ERFL: variants seen among roughly 807,000 people sequenced by gnomAD.
ERFL encodes ETS domain-containing transcription factor ERF-like.
In ERFL, 8 loss-of-function variants were observed where a neutral mutation model predicts 27.9. The observed-to-expected ratio is 0.29, with a 90% CI of 0.17 to 0.52. The LOEUF (loss-of-function observed/expected upper bound fraction) is 0.52, where lower values mean the gene tolerates loss of function less well. ERFL is among the 20% of genes least tolerant of loss of function. The pLI is 0.97. For missense variants in ERFL, 294 were observed against 444.4 expected, an observed-to-expected ratio of 0.66 and a Z score of 3.04; for synonymous variants, 174 against 202.8, an observed-to-expected ratio of 0.86 and a Z score of 1.21.
In ERFL at chr19:41,907,775, G is replaced by T. The variant is rs568710288; in HGVS notation, c.*453C>A. ...ACTGTTGGGATCATGGGGAGCTGGTGGGGAGGGGGGCCCCTCCTGGGTGGG... is the reference window on the plus strand; with the variant it reads ...ACTGTTGGGATCATGGGGAGCTGGTTGGGAGGGGGGCCCCTCCTGGGTGGG... On this transcript the variant is annotated 3_prime_UTR_variant, in exon 6 of 6. Transcript: ENST00000597630. 7 of 192,828 alleles carry T rather than the reference G, an allele frequency of 3.6e-5. 1 individual carries two copies. The South Asian group carries it at 1.2e-3, about 32-fold the overall frequency. 11.9% of individuals were successfully genotyped at this position (192,828 alleles called of 1,614,324 possible).
At chr19:41,927,891 CG>C in intron 1 of ERFL, 148 bp downstream of exon 1, 1 of 152,150 alleles carries the variant, frequency 6.6e-6, no homozygotes, top group Non-Finnish European at 1.5e-5. Context: ...CCCTTACAGC[CG>C]GGGCGGATGA....
intron 1 of ERFL, among the ~76,000 whole-genome samples, chr19:41,913,150 C>T (rs1599672809): frequency 2.0e-5 from 3 of 152,024 alleles, no homozygotes; most frequent in Admixed American, 2.0e-4. Flanking sequence ...CTCCCAGCCT[C>T]TCCTCCCGCA....
chr19:41,915,931 C>T (rs2074798286), intron 1 of ERFL, among the ~76,000 whole-genome samples: 1 of 152,112 alleles, frequency 6.6e-6, no homozygotes, highest in Non-Finnish European at 1.5e-5. Context: ...CACAATCCCC[C>T]ACCCCCCTCC....
chr19:41,925,256 G>A (rs2074864656), intron 1 of ERFL, among the ~76,000 whole-genome samples: 1 of 152,120 alleles, frequency 6.6e-6, no homozygotes, highest in African/African-American at 2.4e-5. Flanking sequence ...GGAATGGCAG[G>A]TGCAGGGGGT....
chr19:41,922,429 G>A (rs1217326580), intron 1 of ERFL, among the ~76,000 whole-genome samples: 1 of 152,150 alleles, frequency 6.6e-6, no homozygotes, highest in Non-Finnish European at 1.5e-5. Flanking sequence ...CAGATGGATG[G>A]GACTGAGATG....
chr19:41,920,393 C>A (rs1555852364), intron 1 of ERFL, among the ~76,000 whole-genome samples: 2 of 138,100 alleles, frequency 1.4e-5, no homozygotes. Context: ...CATGACATGC[C>A]CAGATGTGAC....
chr19:41,922,806 G>C (rs1350606784), intron 1 of ERFL, among the ~76,000 whole-genome samples: 1 of 152,224 alleles, frequency 6.6e-6, no homozygotes, highest in Admixed American at 6.5e-5. Context: ...TGGGATGAGA[G>C]CAATAAATTA....
chr19:41,926,581 G>T (rs1555853289), intron 1 of ERFL, among the ~76,000 whole-genome samples: 1 of 152,148 alleles, frequency 6.6e-6, no homozygotes, highest in East Asian at 1.9e-4. Flanking sequence ...TCCCTCCCGT[G>T]GCTCTGGCCC....
In ERFL at chr19:41,908,546, C is replaced by CG; in HGVS notation, c.746dup (p.His250AlafsTer83). ...TGGCCAGAGGGTTGGGGTAGAAATG[C>CG]GGGGGGTAGAGAGAGGGAGGCAGCT... On this transcript the variant is annotated frameshift_variant, in exon 6 of 6. Coordinates refer to ENST00000597630, the MANE Select transcript of ERFL (RefSeq NM_001365103.2). LOFTEE classifies it high-confidence loss of function. The surrounding 1 kb of genome is among the most constrained non-coding windows in gnomAD (Gnocchi z 6.7). 4.1e-6 allele frequency: 5 copies of CG among 1,231,462 alleles called. No individual in the cohort carries two copies. The highest frequency in any genetic ancestry group is 3.2e-5 in the East Asian group (1 of 31,682). 76.3% of individuals were successfully genotyped at this position (1,231,462 alleles called of 1,614,324 possible). A position where few individuals can be genotyped will look rare whatever the true frequency, so the allele number is the denominator to read the frequency against.
In ERFL at chr19:41,917,647, C is replaced by G. The variant is rs932621610; in HGVS notation, c.-13-4715G>C. ...TGCACACACCATGCCCCAAAGCACACGCACGCACGCACACACACACCCTGA... is the reference window on the plus strand; with the variant it reads ...TGCACACACCATGCCCCAAAGCACAGGCACGCACGCACACACACACCCTGA... On this transcript the variant is annotated intron_variant, in intron 1 of 5. Coordinates refer to ENST00000597630, the MANE Select transcript of ERFL (RefSeq NM_001365103.2). This position sits in a 1 kb window ranked among gnomAD's most constrained non-coding sequence, Gnocchi z 4.8. Among the ~76,000 whole-genome samples the G allele has an allele frequency of 5.6e-5, 8 of 142,814 alleles. No individual in the cohort carries two copies. Among genetic ancestry groups the G allele is most frequent in the Non-Finnish European group, 8.1e-5 (5 of 62,082 alleles). 93.7% of individuals were successfully genotyped at this position (142,814 alleles called of 152,430 possible).
In ERFL at chr19:41,908,070, C is replaced by CT. The variant is rs2074728069; in HGVS notation, c.*157_*158insA. On this transcript the variant is annotated 3_prime_UTR_variant, in exon 6 of 6. Coordinates refer to ENST00000597630, the MANE Select transcript of ERFL (RefSeq NM_001365103.2). The surrounding 1 kb of genome is among the most constrained non-coding windows in gnomAD (Gnocchi z 6.7). ...GTCCTCTGTGGAGGGGGAAGTGAGA[C>CT]CCCCCCCACTCTGGGGCTGGGGAAG... The CT allele has an allele frequency of 6.2e-6, 3 of 485,198 alleles. No homozygotes were observed. Among genetic ancestry groups the CT allele is most frequent in the African/African-American group, 6.2e-5 (3 of 48,780 alleles). 30.1% of individuals were successfully genotyped at this position (485,198 alleles called of 1,614,324 possible).
Position 41,908,475 on chromosome 19 carries a change from G to A in ERFL, c.818C>T (p.Thr273Ile). ...TGTCGAGGCCAGCAGGGGCGTGGCT[G>A]TGGGGCCTCCCCCTGCCCCTGACGA... ...LPSSGAGGGP[T>I]ATPLLASTGE... Residue 273 changes from threonine (T) to isoleucine (I), a missense_variant, in exon 6 of 6, where the codon ACA (threonine) becomes ATA (isoleucine). Thr to Ile is a moderately conservative substitution (Grantham distance 89). Transcript: ENST00000597630. The surrounding 1 kb of genome is among the most constrained non-coding windows in gnomAD (Gnocchi z 6.7). 1 of 1,231,536 alleles carries A rather than the reference G, an allele frequency of 8.1e-7. No homozygotes were observed. The highest frequency in any genetic ancestry group is 1.0e-6 in the Non-Finnish European group (1 of 987,852). The allele number at this position is 1,231,536 out of a possible 1,614,324, so 76.3% of individuals were successfully genotyped here. A position where few individuals can be genotyped will look rare whatever the true frequency, so the allele number is the denominator to read the frequency against.
In ERFL at chr19:41,907,941, C is replaced by A; in HGVS notation, c.*287G>T. On this transcript the variant is annotated 3_prime_UTR_variant, in exon 6 of 6. Coordinates refer to ENST00000597630, the MANE Select transcript of ERFL (RefSeq NM_001365103.2). Reference sequence around the variant, plus strand: ...GGGGCATAGCACAGGGGTGGGCGGGCGGGGCAGGCTGGGCGCCATATTGCA... The same window carrying A: ...GGGGCATAGCACAGGGGTGGGCGGGAGGGGCAGGCTGGGCGCCATATTGCA... 1 of 210,782 alleles carries A rather than the reference C, an allele frequency of 4.7e-6. No individual in the cohort carries two copies. The allele number at this position is 210,782 out of a possible 1,614,324, so 13.1% of individuals were successfully genotyped here. A position where few individuals can be genotyped will look rare whatever the true frequency, so the allele number is the denominator to read the frequency against.
At chr19:41,918,847 C>G (rs541400774) in intron 1 of ERFL, among the ~76,000 whole-genome samples, 1 of 150,640 alleles carries the variant, frequency 6.6e-6, no homozygotes, top group African/African-American at 2.4e-5. Context: ...TGCTACACTA[C>G]CCATCAGACA....
chr19:41,915,132 G>A (rs1466605731), intron 1 of ERFL, among the ~76,000 whole-genome samples: 1 of 16,688 alleles, frequency 6.0e-5, no homozygotes, highest in Non-Finnish European at 1.2e-4. Context: ...TCCTCCCCCC[G>A]CCCCCACCCC....
rs2074739355 is a variant in ERFL at position 41,909,299 on chromosome 19, C to G, written c.475G>C (p.Asp159His). 8.1e-7 allele frequency: 1 copy of G among 1,234,576 alleles called. No homozygotes were observed. The highest frequency in any genetic ancestry group is 3.2e-5 in the East Asian group (1 of 31,734). 76.5% of individuals were successfully genotyped at this position (1,234,576 alleles called of 1,614,324 possible). A position where few individuals can be genotyped will look rare whatever the true frequency, so the allele number is the denominator to read the frequency against. Residue 159 changes from aspartate (D) to histidine (H), a missense_variant, in exon 4 of 6, where the codon GAT (aspartate) becomes CAT (histidine). By Grantham distance (81) the Asp-to-His change is moderately conservative (BLOSUM62 -1). Around this residue, in one of 3 missense-constraint regions of ERFL, gnomAD observed 246 missense variants for 371.4 expected, o/e 0.66. Coordinates refer to ENST00000597630, the MANE Select transcript of ERFL (RefSeq NM_001365103.2). The surrounding 1 kb of genome is among the most constrained non-coding windows in gnomAD (Gnocchi z 5.2). ...PSPFGGAPGP[D>H]APPLTPETLQ... Reference sequence around the variant, plus strand: ...ACCTCAGGGGTGAGGGGAGGAGCATCTGGCCCTGGGGCCCCCCCAAAGGGA... The same window carrying G: ...ACCTCAGGGGTGAGGGGAGGAGCATGTGGCCCTGGGGCCCCCCCAAAGGGA...
Position 41,908,708 on chromosome 19 carries a change from C to CACCT in ERFL, c.617-36_617-33dup. ...GGCACAGGGGTAGGTCAGGCTGGGG[C>CACCT]ACCTGCCTGCCTGGGGACCAGTAAA... On this transcript the variant is annotated intron_variant, in intron 5 of 5. Transcript: ENST00000597630. This position sits in a 1 kb window ranked among gnomAD's most constrained non-coding sequence, Gnocchi z 6.7. 8.5e-7 allele frequency: 1 copy of CACCT among 1,172,890 alleles called. No homozygotes were observed. Among genetic ancestry groups the CACCT allele is most frequent in the South Asian group, 4.3e-5 (1 of 23,202 alleles). The allele number at this position is 1,172,890 out of a possible 1,614,324, so 72.7% of individuals were successfully genotyped here. A position where few individuals can be genotyped will look rare whatever the true frequency, so the allele number is the denominator to read the frequency against.
Position 41,920,563 on chromosome 19 carries a change from C to T in ERFL, c.-14+7477G>A, listed in dbSNP as rs539414995. Among the ~76,000 whole-genome samples, 260 of 151,834 alleles carry T rather than the reference C, an allele frequency of 1.7e-3. 2 individuals carry two copies. Among genetic ancestry groups the T allele is most frequent in the Non-Finnish European group, 2.9e-3 (199 of 67,958 alleles). On this transcript the variant is annotated intron_variant, in intron 1 of 5. Transcript: ENST00000597630. ...ACAGACAGGACACGCCCAGATGTTA[C>T]GCACTCACAGACGTGATGCACTCAC...
chr19:41,920,902 C>A (rs528794107), intron 1 of ERFL, among the ~76,000 whole-genome samples: 2 of 152,174 alleles, frequency 1.3e-5, no homozygotes, highest in African/African-American at 2.4e-5. Flanking sequence ...CCCACACCCC[C>A]CTCCCTCTGT....
Sources: allele counts gnomAD v4.1 joint callset (sites outside exome capture counted in the v4.1 genomes callset), GRCh38; gene constraint gnomAD v4.1.1; regional missense constraint gnomAD v4.1.1; non-coding constraint Gnocchi (gnomAD v3.1); transcripts MANE v1.5; gene names NCBI Gene and HGNC (gene_info 2026-07-23, HGNC 2026-07-21).